ATG10: variants seen among roughly 807,000 people sequenced by gnomAD.
ATG10 encodes autophagy related 10.
A neutral mutation model predicts 32.1 loss-of-function variants in ATG10; 30 were observed. The ratio of observed to expected loss-of-function variants is 0.94; its 90% CI spans 0.70 to 1.27. The LOEUF (loss-of-function observed/expected upper bound fraction) is 1.27. ATG10 is among the 50% of genes most tolerant of loss of function. ATG10 has a pLI of 0.00. For missense variants in ATG10, 233 were observed against 262.3 expected, an observed-to-expected ratio of 0.89 and a Z score of 0.77; for synonymous variants, 87 against 91.5, an observed-to-expected ratio of 0.95 and a Z score of 0.28.
At chr5:82,249,693 G>C (rs1747165938) in intron 5 of ATG10, among the ~76,000 whole-genome samples, 1 of 152,168 alleles carries the variant, frequency 6.6e-6, no homozygotes, top group South Asian at 2.1e-4. Flanking sequence ...GGTAGAGCAG[G>C]ACTTGATCTC....
At chr5:82,103,408 A>G (rs970238341) in intron 3 of ATG10, among the ~76,000 whole-genome samples, 2 of 152,076 alleles carry the variant, frequency 1.3e-5, no homozygotes, top group Non-Finnish European at 2.9e-5. Context: ...ATGGACATCT[A>G]AGTTTAGCAT....
At chr5:82,057,310 T>G (rs1435171697) in intron 2 of ATG10, among the ~76,000 whole-genome samples, 2 of 152,166 alleles carry the variant, frequency 1.3e-5, no homozygotes, top group African/African-American at 4.8e-5. Context: ...CTGGGTGACT[T>G]AAAGTAACAG....
intron 3 of ATG10, among the ~76,000 whole-genome samples, chr5:82,113,079 ATCTT>A (rs1268248325): frequency 6.6e-6 from 1 of 151,876 alleles, no homozygotes; most frequent in Non-Finnish European, 1.5e-5. Context: ...TATTTTATTG[ATCTT>A]TCTGTGATTT....
chr5:82,049,274 C>T (rs1763324975), intron 2 of ATG10, among the ~76,000 whole-genome samples: 1 of 151,858 alleles, frequency 6.6e-6, no homozygotes, highest in South Asian at 2.1e-4. Flanking sequence ...TGGAAATCAT[C>T]ATTCTCAGTA....
chr5:82,256,076 C>T lies in ATG10; in HGVS notation c.*2013C>T, dbSNP rs1289136464. 6.6e-6 allele frequency: 1 copy of T among 152,148 alleles called. No homozygotes were observed. The highest frequency in any genetic ancestry group is 1.5e-5 in the Non-Finnish European group (1 of 68,018). 9.4% of individuals were successfully genotyped at this position (152,148 alleles called of 1,614,324 possible). ...CCTAATGTAAACACAGATTTCTCAG[C>T]AAGTCATTTCTCAAGCCATGTCATT... On this transcript the variant is annotated 3_prime_UTR_variant, in exon 8 of 8. Coordinates refer to ENST00000282185, the MANE Select transcript of ATG10 (RefSeq NM_031482.5).
At chr5:82,089,790 T>C (rs1247525998) in intron 3 of ATG10, among the ~76,000 whole-genome samples, 1 of 151,808 alleles carries the variant, frequency 6.6e-6, no homozygotes, top group East Asian at 1.9e-4. Context: ...TAAGATCCTA[T>C]TAAAAGGATG....
intron 3 of ATG10, among the ~76,000 whole-genome samples, chr5:82,089,590 A>T (rs1764811689): frequency 6.6e-6 from 1 of 152,218 alleles, no homozygotes. Context: ...CATTTTACAA[A>T]AATTATCTCA....
At chr5:82,153,415 G>A (rs956646616) in intron 3 of ATG10, among the ~76,000 whole-genome samples, 1 of 152,190 alleles carries the variant, frequency 6.6e-6, no homozygotes, top group East Asian at 1.9e-4. Flanking sequence ...GCAACAGAAA[G>A]TGTAGGCAGA....
chr5:82,180,418 T>C (rs184216205), intron 5 of ATG10, among the ~76,000 whole-genome samples: 392 of 152,270 alleles, frequency 2.6e-3, no homozygotes, highest in Non-Finnish European at 3.2e-3. Context: ...AATCCAAATC[T>C]GTAGACCAGG....
intron 3 of ATG10, among the ~76,000 whole-genome samples, chr5:82,123,198 T>C (rs1277180472): frequency 2.0e-5 from 3 of 152,238 alleles, no homozygotes; most frequent in Non-Finnish European, 4.4e-5. Flanking sequence ...AATGCGGTCA[T>C]GTATTCTGTG....
At chr5:82,133,605 A>G (rs1347334327) in intron 3 of ATG10, among the ~76,000 whole-genome samples, 1 of 152,094 alleles carries the variant, frequency 6.6e-6, no homozygotes, top group Non-Finnish European at 1.5e-5. Context: ...TACAAGTACC[A>G]TACTGTTGTA....
intron 3 of ATG10, among the ~76,000 whole-genome samples, chr5:82,143,433 G>A (rs889537405): frequency 2.6e-5 from 4 of 152,252 alleles, no homozygotes; most frequent in African/African-American, 7.2e-5. Context: ...ACCAAAGTGA[G>A]AACAGTGTCT....
chr5:82,235,367 T>C (rs560709478), intron 5 of ATG10, among the ~76,000 whole-genome samples: 2 of 152,308 alleles, frequency 1.3e-5, no homozygotes, highest in South Asian at 2.1e-4. Context: ...CACTGAGAAA[T>C]CTGCTCTGCT....
At chr5:82,114,290 T>A (rs1264584326) in intron 3 of ATG10, among the ~76,000 whole-genome samples, 1 of 152,028 alleles carries the variant, frequency 6.6e-6, no homozygotes, top group Non-Finnish European at 1.5e-5. Flanking sequence ...ATTCTGTTCT[T>A]TCTTCCTTGT....
intron 3 of ATG10, among the ~76,000 whole-genome samples, chr5:82,131,794 T>C (rs1018506490): frequency 6.6e-5 from 10 of 152,140 alleles, no homozygotes; most frequent in Admixed American, 5.9e-4. Context: ...TGCATGAGGC[T>C]GGGTAATTTA....
At chr5:82,143,112 T>C (rs1183917652) in intron 3 of ATG10, among the ~76,000 whole-genome samples, 1 of 152,040 alleles carries the variant, frequency 6.6e-6, no homozygotes, top group Non-Finnish European at 1.5e-5. Context: ...TAGAAGTGAA[T>C]GAGGAGTGAG....
intron 1 of ATG10, among the ~76,000 whole-genome samples, chr5:81,979,935 C>G (rs1226344144): frequency 1.3e-5 from 2 of 151,570 alleles, no homozygotes; most frequent in Non-Finnish European, 2.9e-5. Flanking sequence ...TAGGTTGGAC[C>G]TGTGTTCTTT....
At chr5:82,176,595 C>T (rs989680253) in intron 4 of ATG10, among the ~76,000 whole-genome samples, 2 of 152,234 alleles carry the variant, frequency 1.3e-5, no homozygotes, top group Middle Eastern at 3.4e-3. Flanking sequence ...CACAGACACA[C>T]GCACACACAT....
intron 7 of ATG10, among the ~76,000 whole-genome samples, chr5:82,253,821 A>T (rs1045736611): frequency 1.3e-5 from 2 of 152,150 alleles, no homozygotes; most frequent in African/African-American, 2.4e-5. Flanking sequence ...TGATGATCTG[A>T]GGTGGAACAG....
Sources: gnomAD v4.1 joint callset for allele counts (sites outside exome capture counted in the v4.1 genomes callset) on GRCh38, gnomAD v4.1.1 for gene constraint, MANE v1.5 for transcripts, NCBI Gene and HGNC (gene_info 2026-07-23, HGNC 2026-07-21) for gene names.